CLEC16A: variants seen among roughly 807,000 people sequenced by gnomAD.
The protein encoded by CLEC16A is C-type lectin domain containing 16A.
A neutral mutation model predicts 109.5 loss-of-function variants in CLEC16A; 51 were observed. That is an observed-to-expected ratio of 0.47 (90% CI 0.37 to 0.59). CLEC16A has a LOEUF of 0.59. CLEC16A is among the 20% of genes least tolerant of loss of function. The pLI, the probability that CLEC16A is intolerant of heterozygous loss-of-function variation, is 0.00. For missense variants in CLEC16A, 1,339 were observed against 1,394.0 expected, an observed-to-expected ratio of 0.96 and a Z score of 0.63; for synonymous variants, 673 against 564.2, an observed-to-expected ratio of 1.19 and a Z score of -2.73.
At chr16:11,013,551 G>GGTCAGGAGTTCGAGACCAACCT (rs2045564718) in intron 11 of CLEC16A, among the ~76,000 whole-genome samples, 1 of 152,062 alleles carries the variant, frequency 6.6e-6, no homozygotes, top group South Asian at 2.1e-4. Flanking sequence ...GATCATTTGA[G>GGTCAGGAGTTCGAGACCAACCT]GTCAGGAGTT....
At position 11,027,563 on chromosome 16, in the gene CLEC16A, T is replaced by G. The variant is rs1291416688; in HGVS notation, c.1537+2642T>G. On this transcript the variant is annotated intron_variant, in intron 13 of 23. Transcript: ENST00000409790. ...TGATTGAGGAGCACCTGGGGAAGTT[T>G]GGCATCATTTGCTTGGAAGACCTCA... 7 of 1,555,088 alleles carry G rather than the reference T, an allele frequency of 4.5e-6. No individual in the cohort carries two copies. The East Asian group carries it at 1.6e-4, about 35-fold the overall frequency.
chr16:11,059,265 G>C lies in CLEC16A; in HGVS notation c.1996-1637G>C, dbSNP rs112614859. Among the ~76,000 whole-genome samples the C allele has an allele frequency of 2.8e-3, 431 of 152,282 alleles. 3 individuals are homozygous for C. Among genetic ancestry groups the C allele is most frequent in the African/African-American group, 9.8e-3 (406 of 41,548 alleles). The stretch of plus-strand genomic sequence containing the variant: ...ACTTCTTTTTCTCCCAATTGTTAGA[G>C]ATGTCTTTATGAAGACTGTACTTTT... On this transcript the variant is annotated intron_variant, in intron 18 of 23. Transcript: ENST00000409790.
intron 12 of CLEC16A, among the ~76,000 whole-genome samples, chr16:11,022,848 G>A (rs1398416130): frequency 5.3e-5 from 8 of 150,302 alleles, no homozygotes; most frequent in African/African-American, 1.2e-4. Context: ...GCAGTGAGCC[G>A]AGATCACACC....
intron 17 of CLEC16A, among the ~76,000 whole-genome samples, chr16:11,049,687 T>TTG (rs1374325467): frequency 1.3e-5 from 2 of 152,200 alleles, no homozygotes; most frequent in African/African-American, 4.8e-5. Context: ...AGACCATGAC[T>TTG]TGTGACCTTT....
chr16:11,042,816 A>T (rs2047413479), intron 15 of CLEC16A, among the ~76,000 whole-genome samples: 2 of 151,618 alleles, frequency 1.3e-5, no homozygotes. Context: ...TAAAAGTAAC[A>T]ACTATAGTTG....
intron 22 of CLEC16A, among the ~76,000 whole-genome samples, chr16:11,141,466 C>T (rs1328245343): frequency 3.9e-5 from 6 of 152,206 alleles, no homozygotes; most frequent in Non-Finnish European, 7.3e-5. Flanking sequence ...TTCATGCCGC[C>T]AGAGCACGGG....
At chr16:11,036,436 G>A (rs566938452) in intron 13 of CLEC16A, among the ~76,000 whole-genome samples, 2 of 152,126 alleles carry the variant, frequency 1.3e-5, no homozygotes, top group Admixed American at 6.6e-5. Context: ...TGAGCAGCTC[G>A]CCCCCTGAGA....
At chr16:11,156,490 T>TGCTCCA in intron 22 of CLEC16A, 1 of 738,632 alleles carries the variant, frequency 1.4e-6, no homozygotes, top group Non-Finnish European at 2.0e-6. Flanking sequence ...TTCCTGATTC[T>TGCTCCA]GCTCCAGCTG....
chr16:11,129,988 T>C (rs1023471985), intron 22 of CLEC16A, among the ~76,000 whole-genome samples: 1 of 152,132 alleles, frequency 6.6e-6, no homozygotes, highest in African/African-American at 2.4e-5. Flanking sequence ...GGTCTCGATC[T>C]CCTGACATTG....
chr16:11,112,721 C>T (rs538702270), intron 19 of CLEC16A, among the ~76,000 whole-genome samples: 39 of 152,274 alleles, frequency 2.6e-4, no homozygotes, highest in African/African-American at 8.4e-4. Flanking sequence ...ATTTTCTCCC[C>T]TCCCCAAAGA....
At chr16:11,124,994 C>T (rs1024021144) in intron 21 of CLEC16A, among the ~76,000 whole-genome samples, 10 of 152,062 alleles carry the variant, frequency 6.6e-5, no homozygotes, top group Non-Finnish European at 1.2e-4. Flanking sequence ...GAGGCTGAGG[C>T]GGGAGGATCA....
chr16:11,056,352 G>A (rs2048214048), intron 18 of CLEC16A, among the ~76,000 whole-genome samples: 1 of 152,196 alleles, frequency 6.6e-6, no homozygotes, highest in Non-Finnish European at 1.5e-5. Flanking sequence ...CCCAGGGCCT[G>A]GCAGACAGTA....
At chr16:10,992,310 G>C (rs2044068649) in intron 10 of CLEC16A, among the ~76,000 whole-genome samples, 1 of 151,750 alleles carries the variant, frequency 6.6e-6, no homozygotes, top group African/African-American at 2.4e-5. Flanking sequence ...CCAGTCTCCT[G>C]TAACCACTGT....
At chr16:11,049,278 T>C (rs1256852535) in intron 17 of CLEC16A, among the ~76,000 whole-genome samples, 5 of 152,146 alleles carry the variant, frequency 3.3e-5, no homozygotes, top group African/African-American at 1.2e-4. Context: ...AGTGGTGGAA[T>C]TACAGGCGTG....
intron 19 of CLEC16A, among the ~76,000 whole-genome samples, chr16:11,088,965 C>T (rs2050157340): frequency 6.6e-6 from 1 of 152,212 alleles, no homozygotes; most frequent in South Asian, 2.1e-4. Context: ...AGTGCCCTGC[C>T]ATTTCCCCAG....
chr16:10,976,899 A>ACTGCTTTAT (rs1262693286), intron 7 of CLEC16A, among the ~76,000 whole-genome samples: 4 of 152,210 alleles, frequency 2.6e-5, no homozygotes, highest in African/African-American at 9.7e-5. Flanking sequence ...TTATTGCTCC[A>ACTGCTTTAT]TTAGTGCTGC....
chr16:10,978,387 C>T lies in CLEC16A; in HGVS notation c.904-942C>T, dbSNP rs74426087. ...GCCAGCTGGTCACCATGCAGAGGTGCTCCAAGGGGATGGAGTTTTCAAGAT... is the reference window on the plus strand; with the variant it reads ...GCCAGCTGGTCACCATGCAGAGGTGTTCCAAGGGGATGGAGTTTTCAAGAT... On this transcript the variant is annotated intron_variant, in intron 8 of 23. Coordinates refer to ENST00000409790, the MANE Select transcript of CLEC16A (RefSeq NM_015226.3). 2.6e-4 allele frequency among the ~76,000 whole-genome samples: 39 copies of T among 152,308 alleles called. No individual in the cohort carries two copies. In the East Asian group the frequency reaches 5.6e-3, roughly 22 times the overall value.
chr16:11,042,264 C>A lies in CLEC16A; in HGVS notation c.1671C>A (p.Ile557=). 6.3e-7 allele frequency: 1 copy of A among 1,578,900 alleles called. No individual in the cohort carries two copies. The highest frequency in any genetic ancestry group is 1.2e-5 in the South Asian group (1 of 85,754). The change falls in exon 15 of 24, where the codon ATC becomes ATA. Residue 557 remains isoleucine (I), a synonymous_variant. Coordinates refer to ENST00000409790, the MANE Select transcript of CLEC16A (RefSeq NM_015226.3). ...MNNAAQPDGK[I]RLATLELSCL... Reference sequence around the variant, plus strand: ...TGGTGTGCTCTGCAGATGGGAAGATCCGGCTGGCGACGCTGGAGCTGAGCT... The same window carrying A: ...TGGTGTGCTCTGCAGATGGGAAGATACGGCTGGCGACGCTGGAGCTGAGCT...
chr16:11,047,380 G>T (rs766226304), intron 17 of CLEC16A, 38 bp downstream of exon 17: 4 of 1,515,790 alleles, frequency 2.6e-6, no homozygotes, highest in Non-Finnish European at 2.7e-6. Flanking sequence ...GCTGGTGTGC[G>T]CCTGTGTCCC....
Sources: allele counts gnomAD v4.1 joint callset (sites outside exome capture counted in the v4.1 genomes callset), GRCh38; gene constraint gnomAD v4.1.1; transcripts MANE v1.5; gene names NCBI Gene and HGNC (gene_info 2026-07-23, HGNC 2026-07-21).